Variants in ZNF37A observed in about 807,000 individuals in gnomAD.
ZNF37A encodes the protein zinc finger protein 37A, also known as zinc finger protein 37a (KOX 21).
A neutral mutation model predicts 12.3 loss-of-function variants in ZNF37A; 10 were observed. The ratio of observed to expected loss-of-function variants is 0.82; its 90% confidence interval spans 0.50 to 1.38. ZNF37A has a LOEUF of 1.38. Ranked by LOEUF, ZNF37A falls within the 40% of genes most tolerant of loss-of-function variation. ZNF37A has a pLI of 0.00. For synonymous variants in ZNF37A, 207 were observed against 223.0 expected (o/e 0.93, Z 0.64); for missense variants, 580 against 651.2 (o/e 0.89, Z 1.19).
At chr10:38,144,851 C>T (rs1176141268) in intron 7 of ZNF37A, among the ~76,000 whole-genome samples, 3 of 151,962 alleles carry the variant, frequency 2.0e-5, no homozygotes, top group Admixed American at 2.0e-4. Flanking sequence ...TGCAGCACTA[C>T]CCAGCTGCAT....
chr10:38,149,610 T>C (rs1392138178), exon 8 of ZNF37A: 1 of 137,426 alleles, frequency 7.3e-6, no homozygotes, highest in Admixed American at 8.4e-5. Context: ...AGTCTAGCTC[T>C]GTCGCCCAGG....
intron 7 of ZNF37A, 41 bp from the exon 8 acceptor site, chr10:38,117,349 T>C: frequency 6.5e-7 from 1 of 1,530,472 alleles, no homozygotes; most frequent in Non-Finnish European, 8.7e-7. Context: ...TTCTCTTACA[T>C]ATCCTCGTCA....
chr10:38,116,119 G>A (rs956644166), intron 7 of ZNF37A, among the ~76,000 whole-genome samples: 16 of 152,102 alleles, frequency 1.1e-4, no homozygotes, highest in African/African-American at 3.4e-4. Flanking sequence ...AACCAGTAAC[G>A]ATTTCAGCGT....
At chr10:38,127,591 T>C (rs1172448270), downstream of ZNF37A, among the ~76,000 whole-genome samples, 1 of 152,174 alleles carries the variant, frequency 6.6e-6, no homozygotes, top group Non-Finnish European at 1.5e-5. Flanking sequence ...GGGGCCAGTT[T>C]GTTAGTAGAA....
intron 7 of ZNF37A, among the ~76,000 whole-genome samples, chr10:38,136,298 C>A (rs1249697372): frequency 6.6e-6 from 1 of 152,088 alleles, no homozygotes; most frequent in Non-Finnish European, 1.5e-5. Context: ...CACCTGCCAC[C>A]ACGCCTGGCT....
chr10:38,112,805 C>G (rs2068918545), intron 5 of ZNF37A, among the ~76,000 whole-genome samples: 1 of 54,524 alleles, frequency 1.8e-5, no homozygotes, highest in African/African-American at 7.5e-5. Flanking sequence ...CTTGTCTTGT[C>G]TTGTCTTCTT....
At chr10:38,143,552 C>G (rs2070214391) in intron 7 of ZNF37A, 1 of 152,086 alleles carries the variant, frequency 6.6e-6, no homozygotes, top group East Asian at 1.9e-4. Context: ...ATTGTGAAGT[C>G]TATGAAAAGA....
At position 38,114,894 on chromosome 10, in the gene ZNF37A, T is replaced by C; in HGVS notation, c.142+13T>C. On this transcript the variant is annotated intron_variant, in intron 6 of 7. Transcript: ENST00000685332. Reference sequence around the variant, plus strand: ...CTTGTCTCAGTAGGTAGGTAGGAATTGTTTCCCATGTAGAAGGCCAGAATG... The same window carrying C: ...CTTGTCTCAGTAGGTAGGTAGGAATCGTTTCCCATGTAGAAGGCCAGAATG... 1 of 1,603,026 alleles carries C rather than the reference T, an allele frequency of 6.2e-7. No individual in the cohort carries two copies. Among genetic ancestry groups the C allele is most frequent in the Non-Finnish European group, 8.5e-7 (1 of 1,175,848 alleles).
At chr10:38,107,069 G>C (rs2068165173) in intron 5 of ZNF37A, among the ~76,000 whole-genome samples, 1 of 152,122 alleles carries the variant, frequency 6.6e-6, no homozygotes, top group Non-Finnish European at 1.5e-5. Context: ...CAGCAAGGTT[G>C]AAATGAAGGA....
chr10:38,135,565 A>G (rs1285479876), intron 7 of ZNF37A, among the ~76,000 whole-genome samples: 1 of 152,244 alleles, frequency 6.6e-6, no homozygotes, highest in Non-Finnish European at 1.5e-5. Flanking sequence ...TCAGAAAACA[A>G]AATTATTCTT....
rs779170834 is a variant in ZNF37A, at chr10:38,118,224, A to C, written c.1073A>C (p.His358Pro). 6.2e-7 allele frequency: 1 copy of C among 1,613,994 alleles called. No homozygotes were observed. ...THTGEKPYEC[H>P]ECGKTFSFKS... ...ACAGGGGAGAAACCATATGAATGTC[A>C]TGAATGTGGGAAAACCTTCTCATTT... The change falls in exon 8 of 8, where the codon CAT (histidine) becomes CCT (proline). Residue 358 changes from histidine (H) to proline (P), a missense_variant. By Grantham distance (77) the His-to-Pro change is moderately conservative. Transcript: ENST00000685332.
intron 6 of ZNF37A, 90 bp downstream of exon 6, chr10:38,114,971 A>G (rs2069130051): frequency 6.7e-7 from 1 of 1,486,190 alleles, no homozygotes; most frequent in Non-Finnish European, 9.0e-7. Flanking sequence ...AAATATAATA[A>G]TATTTAGGTT....
intron 4 of ZNF37A, 148 bp downstream of exon 4, chr10:38,095,952 T>A (rs971086404): frequency 1.3e-5 from 2 of 152,210 alleles, no homozygotes; most frequent in African/African-American, 4.8e-5. Context: ...TTTGGGAGGC[T>A]GAGGGGGGTG....
Position 38,120,070 on chromosome 10 carries a change from CT to C in ZNF37A, c.*1236del, listed in dbSNP as rs1412034926. 1 of 152,186 alleles carries C rather than the reference CT, an allele frequency of 6.6e-6. No homozygotes were observed. The highest frequency in any genetic ancestry group is 1.9e-4 in the East Asian group (1 of 5,194). 9.4% of individuals were successfully genotyped at this position (152,186 alleles called of 1,614,324 possible). A position where few individuals can be genotyped will look rare whatever the true frequency, so the allele number is the denominator to read the frequency against. On this transcript the variant is annotated 3_prime_UTR_variant, in exon 8 of 8. Coordinates refer to ENST00000685332, the MANE Select transcript of ZNF37A (RefSeq NM_001324250.3). Reference sequence around the variant, plus strand: ...TATTTCTCTCCATACTGAAACATGTCTTTCATAGGTGATACAACTTTTTAAA... The same window carrying C: ...TATTTCTCTCCATACTGAAACATGTCTTCATAGGTGATACAACTTTTTAAA...
chr10:38,097,835 A>C (rs2135858201), intron 5 of ZNF37A, among the ~76,000 whole-genome samples: 1 of 152,260 alleles, frequency 6.6e-6, no homozygotes, highest in African/African-American at 2.4e-5. Flanking sequence ...ATTTTAAAGT[A>C]TAGAATTCAA....
Position 38,120,121 on chromosome 10 carries a change from T to G in ZNF37A, c.*1284T>G, listed in dbSNP as rs1564376775. On this transcript the variant is annotated 3_prime_UTR_variant, in exon 8 of 8. Coordinates refer to ENST00000685332, the MANE Select transcript of ZNF37A (RefSeq NM_001324250.3). ...AATGTATGTGTAGATATAACTTAAA[T>G]ATGGAGCTTTCAAAAAGCACAAATA... The G allele has an allele frequency of 6.6e-6, 1 of 151,954 alleles. No homozygotes were observed. Among genetic ancestry groups the G allele is most frequent in the Non-Finnish European group, 1.5e-5 (1 of 67,992 alleles). 9.4% of individuals were successfully genotyped at this position (151,954 alleles called of 1,614,324 possible).
rs2069701757 is a variant in ZNF37A at position 38,121,597 on chromosome 10, A to T, written c.*2760A>T. The T allele has an allele frequency of 6.6e-6, 1 of 152,332 alleles. No homozygotes were observed. The highest frequency in any genetic ancestry group is 6.5e-5 in the Admixed American group (1 of 15,272). The allele number at this position is 152,332 out of a possible 1,614,324, so 9.4% of individuals were successfully genotyped here. Reference sequence around the variant, plus strand: ...GATTGGTAACACTGAGCAAATAAATATGTTGAGAATGATGACAGCAAGATT... The same window carrying T: ...GATTGGTAACACTGAGCAAATAAATTTGTTGAGAATGATGACAGCAAGATT... On this transcript the variant is annotated 3_prime_UTR_variant, in exon 8 of 8. Coordinates refer to ENST00000685332, the MANE Select transcript of ZNF37A (RefSeq NM_001324250.3).
chr10:38,112,156 A>AC (rs398114266), intron 5 of ZNF37A, among the ~76,000 whole-genome samples: 3 of 150,940 alleles, frequency 2.0e-5, no homozygotes, highest in East Asian at 2.0e-4. Flanking sequence ...CTAAAAAAAA[A>AC]CCCAACAAAA....
rs2069741707 is a variant in ZNF37A, at chr10:38,122,241, A to C, written c.*3404A>C. Reference sequence around the variant, plus strand: ...AGACAGAGTGAGACCCCATCTCAGGAAAAAAGAAAAAAAAAAAGATGTCAT... The same window carrying C: ...AGACAGAGTGAGACCCCATCTCAGGCAAAAAGAAAAAAAAAAAGATGTCAT... On this transcript the variant is annotated 3_prime_UTR_variant, in exon 8 of 8. Transcript: ENST00000685332. The C allele has an allele frequency of 6.6e-6, 1 of 151,906 alleles. No homozygotes were observed. The highest frequency in any genetic ancestry group is 1.5e-5 in the Non-Finnish European group (1 of 67,990). The allele number at this position is 151,906 out of a possible 1,614,324, so 9.4% of individuals were successfully genotyped here. A position where few individuals can be genotyped will look rare whatever the true frequency, so the allele number is the denominator to read the frequency against.
Sources: allele counts gnomAD v4.1 joint callset (sites outside exome capture counted in the v4.1 genomes callset), GRCh38; gene constraint gnomAD v4.1.1; transcripts MANE v1.5; gene names NCBI Gene and HGNC (gene_info 2026-07-23, HGNC 2026-07-21).